Variants in GPC5 observed in about 807,000 individuals in gnomAD.
GPC5 encodes glypican-5.
GPC5 carries 47 observed loss-of-function variants against 53.9 expected under a neutral mutation model. The ratio of observed to expected loss-of-function variants is 0.87; its 90% CI spans 0.69 to 1.11. GPC5 has a LOEUF of 1.11. GPC5 is among the 50% of genes most tolerant of loss of function. The pLI is 0.00. For missense variants in GPC5, 748 were observed against 713.1 expected, an observed-to-expected ratio of 1.05 and a Z score of -0.56; for synonymous variants, 286 against 263.3, an observed-to-expected ratio of 1.09 and a Z score of -0.84.
chr13:91,460,122 T>C (rs1413276526), intron 2 of GPC5, among the ~76,000 whole-genome samples: 1 of 152,134 alleles, frequency 6.6e-6, no homozygotes, highest in Non-Finnish European at 1.5e-5. Context: ...TATTAGTCAA[T>C]AACCCAGTTA....
intron 5 of GPC5, among the ~76,000 whole-genome samples, chr13:91,857,493 A>C (rs1474818748): frequency 6.6e-6 from 1 of 151,236 alleles, no homozygotes; most frequent in Non-Finnish European, 1.5e-5. Context: ...TTATTTTCAC[A>C]TATTGGTCTT....
chr13:91,693,818 T>C lies in GPC5; in HGVS notation c.957T>C (p.Phe319=). 1 of 1,613,076 alleles carries C rather than the reference T, an allele frequency of 6.2e-7. No individual in the cohort carries two copies. The highest frequency in any genetic ancestry group is 8.5e-7 in the Non-Finnish European group (1 of 1,179,940). ...ACATTGGACACGTGCTGCTGAACTT[T>C]CACTTGCTTGTTAATGATGCTGTGT... The part of the protein sequence containing the change: ...TYDIGHVLLN[F]HLLVNDAVLQ... The change falls in exon 3 of 8, where the codon TTT becomes TTC. Residue 319 remains phenylalanine (F), a synonymous_variant. Transcript: ENST00000377067.
intron 2 of GPC5, among the ~76,000 whole-genome samples, chr13:91,596,438 C>T (rs1176024139): frequency 6.6e-6 from 1 of 152,124 alleles, no homozygotes; most frequent in Non-Finnish European, 1.5e-5. Flanking sequence ...TCTTTCCTGA[C>T]AATTATAATA....
chr13:92,643,698 AG>A (rs1337358632), intron 7 of GPC5, among the ~76,000 whole-genome samples: 1 of 146,348 alleles, frequency 6.8e-6, no homozygotes, highest in Non-Finnish European at 1.5e-5. Flanking sequence ...GGACACAGGA[AG>A]GGGAATATCA....
At chr13:91,896,686 T>G (rs2039445962) in intron 5 of GPC5, among the ~76,000 whole-genome samples, 2 of 152,148 alleles carry the variant, frequency 1.3e-5, no homozygotes, top group Non-Finnish European at 2.9e-5. Flanking sequence ...CTATTTAGAC[T>G]CCAGAGGTCT....
At chr13:92,633,601 C>T (rs1162535363) in intron 7 of GPC5, among the ~76,000 whole-genome samples, 1 of 151,944 alleles carries the variant, frequency 6.6e-6, no homozygotes, top group Non-Finnish European at 1.5e-5. Flanking sequence ...ATTAATTTTT[C>T]CCAAAACATT....
At chr13:92,155,939 A>G (rs55907980) in intron 7 of GPC5, among the ~76,000 whole-genome samples, 20,782 of 152,192 alleles carry the variant, frequency 0.14, 1,672 homozygotes, top group Admixed American at 0.18. Flanking sequence ...AGAATATGCA[A>G]TATTTATGGT....
chr13:92,301,381 G>A (rs1284597163), intron 7 of GPC5, among the ~76,000 whole-genome samples: 1 of 152,156 alleles, frequency 6.6e-6, no homozygotes, highest in Non-Finnish European at 1.5e-5. Context: ...ACTTGTAGAT[G>A]ATACTGATGT....
intron 7 of GPC5, among the ~76,000 whole-genome samples, chr13:92,355,009 C>T (rs1389047016): frequency 2.5e-5 from 2 of 81,612 alleles, no homozygotes; most frequent in Non-Finnish European, 4.6e-5. Flanking sequence ...ATTAAATTAG[C>T]TTTAATTTAA....
chr13:92,412,446 T>C (rs532974251), intron 7 of GPC5, among the ~76,000 whole-genome samples: 4 of 152,300 alleles, frequency 2.6e-5, no homozygotes, highest in African/African-American at 9.6e-5. Flanking sequence ...ACTATCTGTG[T>C]ACCCAGTCAA....
intron 2 of GPC5, among the ~76,000 whole-genome samples, chr13:91,614,103 G>T (rs538529640): frequency 6.6e-6 from 1 of 152,210 alleles, no homozygotes. Flanking sequence ...AAGAGCAGTT[G>T]CATTTGAATT....
At chr13:91,967,471 C>A (rs937922010) in intron 6 of GPC5, among the ~76,000 whole-genome samples, 21 of 151,834 alleles carry the variant, frequency 1.4e-4, no homozygotes, top group African/African-American at 4.8e-4. Context: ...TTAAAATGAC[C>A]TATAATTTTA....
chr13:91,421,669 AGCTTACAGTTG>A (rs1000949580), intron 1 of GPC5, among the ~76,000 whole-genome samples: 11 of 152,250 alleles, frequency 7.2e-5, no homozygotes, highest in African/African-American at 2.7e-4. Flanking sequence ...AAAACTAATA[AGCTTACAGTTG>A]GCTGTAACTT....
chr13:92,841,020 C>A (rs1299314368), intron 7 of GPC5, among the ~76,000 whole-genome samples: 1 of 152,034 alleles, frequency 6.6e-6, no homozygotes, highest in Non-Finnish European at 1.5e-5. Flanking sequence ...ATCTTTAGGG[C>A]TTTCTACATA....
chr13:91,624,253 A>T (rs2033940791), intron 2 of GPC5, among the ~76,000 whole-genome samples: 1 of 152,152 alleles, frequency 6.6e-6, no homozygotes, highest in African/African-American at 2.4e-5. Flanking sequence ...ATTTATGAGA[A>T]GCCCAAGAGT....
At chr13:91,430,720 C>T (rs780795996) in intron 1 of GPC5, among the ~76,000 whole-genome samples, 4 of 152,164 alleles carry the variant, frequency 2.6e-5, no homozygotes, top group Non-Finnish European at 4.4e-5. Context: ...GTTTTCTAGA[C>T]TGATGAAATC....
At chr13:91,923,773 A>G (rs2039740391) in intron 6 of GPC5, among the ~76,000 whole-genome samples, 1 of 152,138 alleles carries the variant, frequency 6.6e-6, no homozygotes, top group Non-Finnish European at 1.5e-5. Context: ...ATATTATCAA[A>G]CCAGGCCTGA....
chr13:92,093,652 T>C (rs2041398791), intron 6 of GPC5, among the ~76,000 whole-genome samples: 1 of 152,192 alleles, frequency 6.6e-6, no homozygotes, highest in Admixed American at 6.5e-5. Flanking sequence ...GGTAATGGTA[T>C]ATGAAACCCT....
At chr13:92,491,581 G>T (rs1182891961) in intron 7 of GPC5, among the ~76,000 whole-genome samples, 1 of 151,996 alleles carries the variant, frequency 6.6e-6, no homozygotes, top group Non-Finnish European at 1.5e-5. Flanking sequence ...GAATAAATGG[G>T]ATTTCACATT....
Sources: allele counts gnomAD v4.1 joint callset (sites outside exome capture counted in the v4.1 genomes callset), GRCh38; gene constraint gnomAD v4.1.1; transcripts MANE v1.5; gene names NCBI Gene and HGNC (gene_info 2026-07-23, HGNC 2026-07-21).